The following VDR variants were observed in gnomAD, a reference collection of about 807,000 sequenced individuals.
VDR encodes the protein vitamin D receptor.
A neutral mutation model predicts 39.7 loss-of-function variants in VDR; 19 were observed. That is an observed-to-expected ratio of 0.48 (90% CI 0.33 to 0.70). The LOEUF (loss-of-function observed/expected upper bound fraction) is 0.70. Ranked by LOEUF, VDR falls within the 30% of genes least tolerant of loss-of-function variation. VDR has a pLI of 0.02. For synonymous variants in VDR, 242 were observed against 215.8 expected, an observed-to-expected ratio of 1.12 and a Z score of -1.07; for missense variants, 442 against 570.5, an observed-to-expected ratio of 0.77 and a Z score of 2.29.
chr12:47,866,891 G>A (rs1945746377), intron 3 of VDR, among the ~76,000 whole-genome samples: 1 of 152,150 alleles, frequency 6.6e-6, no homozygotes, highest in Non-Finnish European at 1.5e-5. Flanking sequence ...TTGGGGGCTG[G>A]GAGCTGAGGC....
intron 2 of VDR, among the ~76,000 whole-genome samples, chr12:47,879,374 A>C (rs1946091449): frequency 6.6e-6 from 1 of 152,196 alleles, no homozygotes; most frequent in South Asian, 2.1e-4. Flanking sequence ...TGCATCTGTC[A>C]GGTTAATTTG....
intron 1 of VDR, among the ~76,000 whole-genome samples, chr12:47,889,973 G>T (rs7965943): frequency 0.54 from 81,746 of 151,732 alleles, 23,036 homozygotes; most frequent in South Asian, 0.71. Flanking sequence ...CCTGAGCCAC[G>T]GTTTTTTGTT....
At chr12:47,884,507 T>C (rs1946218310) in intron 1 of VDR, among the ~76,000 whole-genome samples, 1 of 152,140 alleles carries the variant, frequency 6.6e-6, no homozygotes, top group Admixed American at 6.5e-5. Flanking sequence ...AGCAGATGCC[T>C]ACTGCTCCGC....
chr12:47,885,448 G>A (rs1192239354), intron 1 of VDR, among the ~76,000 whole-genome samples: 1 of 152,256 alleles, frequency 6.6e-6, no homozygotes, highest in East Asian at 1.9e-4. Context: ...GGGCATCCCC[G>A]GGGCCATCTC....
At chr12:47,878,730 C>CA (rs1057444881) in intron 3 of VDR, 2 of 666,244 alleles carry the variant, frequency 3.0e-6, no homozygotes, top group Non-Finnish European at 5.3e-6. Context: ...AGACAGAGAC[C>CA]CACACAGCAA....
chr12:47,890,007 C>T (rs1412485368), intron 1 of VDR, among the ~76,000 whole-genome samples: 1 of 151,864 alleles, frequency 6.6e-6, no homozygotes, highest in Non-Finnish European at 1.5e-5. Flanking sequence ...CACATCACTC[C>T]TTTATTATAC....
At chr12:47,857,888 CAAG>C (rs1463220726) in intron 4 of VDR, among the ~76,000 whole-genome samples, 200 bp from the exon 5 acceptor site, 3 of 151,882 alleles carry the variant, frequency 2.0e-5, no homozygotes, top group Non-Finnish European at 4.4e-5. Context: ...AAGGCACATG[CAAG>C]AAGAAGAAAA....
chr12:47,854,935 G>A (rs576857439), intron 7 of VDR, among the ~76,000 whole-genome samples: 20 of 152,366 alleles, frequency 1.3e-4, no homozygotes, highest in African/African-American at 4.1e-4. Flanking sequence ...GCTCATGCCC[G>A]TAATCCCAGC....
At chr12:47,880,885 ATT>A (rs199584276) in intron 2 of VDR, among the ~76,000 whole-genome samples, 1,999 of 147,578 alleles carry the variant, frequency 0.014, 42 homozygotes, top group African/African-American at 0.042. Context: ...ATTAATATAT[ATT>A]AAATATATAA....
chr12:47,887,403 T>A (rs902305749), intron 1 of VDR, among the ~76,000 whole-genome samples: 2 of 151,602 alleles, frequency 1.3e-5, no homozygotes, highest in Admixed American at 6.6e-5. Context: ...ACTCTTAGAC[T>A]TTTCTAAGAC....
intron 1 of VDR, 194 bp downstream of exon 1, chr12:47,904,761 C>CTCAAGCACG (rs1946638119): frequency 1.1e-6 from 1 of 926,554 alleles, no homozygotes; most frequent in Non-Finnish European, 1.6e-6. Flanking sequence ...GCACGAACTT[C>CTCAAGCACG]AGCTTTCTCA....
chr12:47,891,663 T>A (rs1946370838), intron 1 of VDR, among the ~76,000 whole-genome samples: 1 of 152,190 alleles, frequency 6.6e-6, no homozygotes, highest in African/African-American at 2.4e-5. Flanking sequence ...TCTGGACTTT[T>A]CCTCCACGTA....
At chr12:47,903,206 G>T (rs188780950) in intron 1 of VDR, among the ~76,000 whole-genome samples, 216 of 152,254 alleles carry the variant, frequency 1.4e-3, no homozygotes, top group African/African-American at 4.9e-3. Flanking sequence ...CCAAGTCACA[G>T]CTGATCAAGA....
chr12:47,880,300 C>T (rs191405699), intron 2 of VDR, among the ~76,000 whole-genome samples: 1 of 152,172 alleles, frequency 6.6e-6, no homozygotes, highest in Admixed American at 6.5e-5. Flanking sequence ...ATTCTGGGGG[C>T]CCTTGGGAGG....
At chr12:47,847,041 C>T (rs1945294636) in intron 7 of VDR, among the ~76,000 whole-genome samples, 1 of 152,056 alleles carries the variant, frequency 6.6e-6, no homozygotes, top group South Asian at 2.1e-4. Context: ...GTTACTAAGA[C>T]AAGAAAAACT....
chr12:47,893,262 C>G (rs1946403260), intron 1 of VDR, among the ~76,000 whole-genome samples: 1 of 152,222 alleles, frequency 6.6e-6, no homozygotes, highest in African/African-American at 2.4e-5. Flanking sequence ...AACAGGGCCT[C>G]TCTCATTGTT....
chr12:47,868,121 C>T lies in VDR; in HGVS notation c.147-2944G>A, dbSNP rs12721369. On this transcript the variant is annotated intron_variant, in intron 3 of 9. Coordinates refer to ENST00000549336, the MANE Select transcript of VDR (RefSeq NM_000376.3). ...AGTGCAGGCTCCTAGGTCTGGAAGT[C>T]TTAGGGATCTAAGGCTTAGCCTTTA... Among the ~76,000 whole-genome samples the T allele has an allele frequency of 7.5e-3, 1,149 of 152,348 alleles. 24 individuals carry two copies. The highest frequency in any genetic ancestry group is 0.052 in the Admixed American group (803 of 15,300).
intron 2 of VDR, among the ~76,000 whole-genome samples, chr12:47,881,193 G>T (rs1300783343): frequency 6.6e-6 from 1 of 151,104 alleles, no homozygotes; most frequent in Non-Finnish European, 1.5e-5. Context: ...TTTTTCCTTT[G>T]CAGCAACATG....
chr12:47,874,011 C>T (rs1236812518), intron 3 of VDR, among the ~76,000 whole-genome samples: 2 of 151,972 alleles, frequency 1.3e-5, no homozygotes, highest in Non-Finnish European at 2.9e-5. Context: ...GCAAATGAGC[C>T]CTGATTAGAG....
Sources: gnomAD v4.1 joint callset for allele counts (sites outside exome capture counted in the v4.1 genomes callset) on GRCh38, gnomAD v4.1.1 for gene constraint, MANE v1.5 for transcripts, NCBI Gene and HGNC (gene_info 2026-07-23, HGNC 2026-07-21) for gene names.